Variants in DPH6 observed in about 807,000 individuals in gnomAD.
DPH6 encodes diphthamine biosynthesis 6.
DPH6 carries 33 observed loss-of-function variants against 38.2 expected under a neutral mutation model. That is an observed-to-expected ratio of 0.86 (90% CI 0.65 to 1.15). The LOEUF (loss-of-function observed/expected upper bound fraction) is 1.15. Among genes scored for constraint, DPH6 ranks in the 50% most tolerant of loss-of-function variants. The pLI is 0.00. For missense variants in DPH6, 325 were observed against 320.0 expected (o/e 1.02, Z -0.12); for synonymous variants, 108 against 103.0 (o/e 1.05, Z -0.30).
At chr15:35,362,214 G>A (rs1300575277) in intron 3 of DPH6, among the ~76,000 whole-genome samples, 1 of 152,104 alleles carries the variant, frequency 6.6e-6, no homozygotes, top group African/African-American at 2.4e-5. Flanking sequence ...CTTTTCAGAA[G>A]CTTGTGATCT....
chr15:35,189,905 T>C, the DPH6 span, among the ~76,000 whole-genome samples: 1 of 152,340 alleles, frequency 6.6e-6, no homozygotes, highest in African/African-American at 2.4e-5. Context: ...AGACATTGTC[T>C]TGTAAATGAT....
the DPH6 span, among the ~76,000 whole-genome samples, chr15:35,205,460 AC>A: frequency 6.6e-6 from 1 of 152,034 alleles, no homozygotes; most frequent in Non-Finnish European, 1.5e-5. Flanking sequence ...CCCATTGAAC[AC>A]GATAAGATAT....
chr15:35,401,356 G>T, intron 6 of DPH6: 1 of 755,656 alleles, frequency 1.3e-6, no homozygotes. Flanking sequence ...TGGTGCTGAT[G>T]GGTATGGCGG....
At chr15:35,145,213 T>A in the DPH6 span, among the ~76,000 whole-genome samples, 1 of 152,362 alleles carries the variant, frequency 6.6e-6, no homozygotes, top group African/African-American at 2.4e-5. Context: ...GAACCTCTTT[T>A]TACATTACGA....
the DPH6 span, among the ~76,000 whole-genome samples, chr15:35,185,015 G>T: frequency 6.6e-6 from 1 of 151,738 alleles, no homozygotes; most frequent in Non-Finnish European, 1.5e-5. Flanking sequence ...TGACTAGGAA[G>T]AATAGACTTG....
chr15:35,171,592 T>C, the DPH6 span, among the ~76,000 whole-genome samples: 1 of 152,160 alleles, frequency 6.6e-6, no homozygotes, highest in Non-Finnish European at 1.5e-5. Context: ...CTAATATCTT[T>C]TGTAGAACCA....
At chr15:35,542,202 A>C (rs769003454) in intron 2 of DPH6, among the ~76,000 whole-genome samples, 1 of 152,148 alleles carries the variant, frequency 6.6e-6, no homozygotes, top group South Asian at 2.1e-4. Flanking sequence ...TATTAAGATT[A>C]ATAGTGCATC....
At position 35,497,199 on chromosome 15, in the gene DPH6, T is replaced by C. The variant is rs76927906; in HGVS notation, c.312+41075A>G. 3.1e-3 allele frequency among the ~76,000 whole-genome samples: 474 copies of C among 152,292 alleles called. 3 individuals are homozygous for C. The East Asian group carries it at 0.035, about 11-fold the overall frequency. The stretch of plus-strand genomic sequence containing the variant: ...GCTCCAAGCAGATGCTCACAAACAG[T>C]GCATCTCTTTTTGCTCCCCATTACA... On this transcript the variant is annotated intron_variant, in intron 3 of 8. Coordinates refer to ENST00000256538, the MANE Select transcript of DPH6 (RefSeq NM_080650.4).
the DPH6 span, among the ~76,000 whole-genome samples, chr15:35,147,929 T>C: frequency 6.6e-6 from 1 of 152,184 alleles, no homozygotes; most frequent in Admixed American, 6.5e-5. Flanking sequence ...TGTCAGAAGC[T>C]TGGGAGTGAC....
At chr15:35,502,995 T>C (rs1469385403) in intron 3 of DPH6, among the ~76,000 whole-genome samples, 1 of 150,034 alleles carries the variant, frequency 6.7e-6, no homozygotes, top group Non-Finnish European at 1.5e-5. Context: ...CTGATATATT[T>C]AAGTGACCAT....
chr15:35,541,774 T>C (rs1222312066), intron 2 of DPH6, among the ~76,000 whole-genome samples: 1 of 152,086 alleles, frequency 6.6e-6, no homozygotes, highest in African/African-American at 2.4e-5. Context: ...TTGGTGAATA[T>C]ATTTCTTTTT....
chr15:35,525,677 A>AAAAAATAC (rs2054989496), intron 3 of DPH6, among the ~76,000 whole-genome samples: 1 of 152,086 alleles, frequency 6.6e-6, no homozygotes, highest in South Asian at 2.1e-4. Context: ...ACCTCTACAA[A>AAAAAATAC]AAAAATACAA....
chr15:35,447,917 T>A (rs969961130), intron 5 of DPH6, among the ~76,000 whole-genome samples: 30 of 152,188 alleles, frequency 2.0e-4, no homozygotes, highest in Non-Finnish European at 2.9e-5. Flanking sequence ...CCTAGCATTA[T>A]TTCCTTTCAT....
chr15:35,310,012 C>T (rs565834533), intron 3 of DPH6, among the ~76,000 whole-genome samples: 16 of 152,066 alleles, frequency 1.1e-4, no homozygotes, highest in African/African-American at 3.9e-4. Flanking sequence ...TTTTTTTTCC[C>T]CCTGTGTCAC....
intron 3 of DPH6, among the ~76,000 whole-genome samples, chr15:35,500,801 C>T (rs1045637949): frequency 2.0e-5 from 3 of 152,146 alleles, no homozygotes; most frequent in African/African-American, 7.2e-5. Context: ...GAGATAGAGT[C>T]TCACTCTGTC....
At chr15:35,465,271 A>G (rs903339300) in intron 3 of DPH6, among the ~76,000 whole-genome samples, 2 of 152,216 alleles carry the variant, frequency 1.3e-5, no homozygotes, top group East Asian at 1.9e-4. Context: ...TTCTGAATTC[A>G]AAGTGTTTTT....
intron 3 of DPH6, among the ~76,000 whole-genome samples, chr15:35,467,765 G>A (rs2054146231): frequency 1.3e-5 from 2 of 151,870 alleles, no homozygotes; most frequent in Admixed American, 6.5e-5. Context: ...TGGAGGGACC[G>A]GCCTGAGGCT....
At chr15:35,510,797 A>G (rs2054759211) in intron 3 of DPH6, among the ~76,000 whole-genome samples, 1 of 152,260 alleles carries the variant, frequency 6.6e-6, no homozygotes, top group Non-Finnish European at 1.5e-5. Context: ...ATGTGAGACC[A>G]TCACAGAAGA....
At chr15:35,236,281 G>A (rs2140396467) in intron 3 of DPH6, among the ~76,000 whole-genome samples, 1 of 152,284 alleles carries the variant, frequency 6.6e-6, no homozygotes, top group Non-Finnish European at 1.5e-5. Context: ...TAGTTAAAAA[G>A]TAACAAGTAT....
Sources: allele counts gnomAD v4.1 joint callset (sites outside exome capture counted in the v4.1 genomes callset), GRCh38; gene constraint gnomAD v4.1.1; transcripts MANE v1.5; gene names NCBI Gene and HGNC (gene_info 2026-07-23, HGNC 2026-07-21).